The following ANTXR1 variants were observed in gnomAD, a reference collection of about 807,000 sequenced individuals.
The protein encoded by ANTXR1 is ANTXR cell adhesion molecule 1, also known as anthrax toxin receptor 1.
In ANTXR1, 19 loss-of-function variants were observed where a neutral mutation model predicts 78.1. The ratio of observed to expected loss-of-function variants is 0.24; its 90% CI spans 0.17 to 0.36. ANTXR1 has a LOEUF of 0.36. Ranked by LOEUF, ANTXR1 falls within the 10% of genes least tolerant of loss-of-function variation. The probability of loss-of-function intolerance (pLI) is 1.00; values close to 1 mark genes in which losing one functional copy is unlikely to be tolerated. For synonymous variants in ANTXR1, 273 were observed against 260.5 expected, an observed-to-expected ratio of 1.05 and a Z score of -0.46; for missense variants, 518 against 718.6, an observed-to-expected ratio of 0.72 and a Z score of 3.19.
At chr2:69,107,694 T>C (rs1016416860) in intron 10 of ANTXR1, among the ~76,000 whole-genome samples, 5 of 152,182 alleles carry the variant, frequency 3.3e-5, no homozygotes, top group Admixed American at 3.3e-4. Context: ...TCCAGCAATG[T>C]ATTTAAAAAG....
chr2:69,157,220 TCTC>T (rs553882849), intron 13 of ANTXR1, among the ~76,000 whole-genome samples: 1 of 152,110 alleles, frequency 6.6e-6, no homozygotes, highest in Non-Finnish European at 1.5e-5. Flanking sequence ...TGCTGGCTCT[TCTC>T]CTACGTCTCT....
At chr2:69,146,435 A>C in intron 12 of ANTXR1, 2 of 944,526 alleles carry the variant, frequency 2.1e-6, no homozygotes, top group Non-Finnish European at 2.5e-6. Flanking sequence ...TGAGAAAATA[A>C]CATTGGTAAG....
At chr2:69,036,315 A>G (rs1669421016) in intron 1 of ANTXR1, among the ~76,000 whole-genome samples, 1 of 152,242 alleles carries the variant, frequency 6.6e-6, no homozygotes, top group South Asian at 2.1e-4. Flanking sequence ...TAAGCACATC[A>G]TGTAAAATTG....
At chr2:69,168,288 G>A (rs1673885318) in intron 13 of ANTXR1, among the ~76,000 whole-genome samples, 1 of 152,220 alleles carries the variant, frequency 6.6e-6, no homozygotes, top group African/African-American at 2.4e-5. Context: ...CTCACTACCA[G>A]ATGCTTAACA....
intron 12 of ANTXR1, chr2:69,135,061 A>T: frequency 2.4e-6 from 1 of 408,710 alleles, no homozygotes; most frequent in South Asian, 1.8e-5. Flanking sequence ...CAGAGTGCGG[A>T]ACTCAGATCT....
intron 6 of ANTXR1, among the ~76,000 whole-genome samples, chr2:69,074,625 T>C (rs1049130716): frequency 1.3e-5 from 2 of 152,214 alleles, no homozygotes; most frequent in Non-Finnish European, 2.9e-5. Flanking sequence ...GAGGCTACAG[T>C]GAGTCTAAAA....
chr2:69,119,286 C>T (rs1403061462), intron 10 of ANTXR1, among the ~76,000 whole-genome samples: 1 of 152,172 alleles, frequency 6.6e-6, no homozygotes, highest in Non-Finnish European at 1.5e-5. Context: ...CGGATGCTCT[C>T]CTCGGCGTGA....
At chr2:69,138,532 G>T (rs1424398848) in intron 12 of ANTXR1, among the ~76,000 whole-genome samples, 1 of 152,148 alleles carries the variant, frequency 6.6e-6, no homozygotes, top group South Asian at 2.1e-4. Flanking sequence ...TCCCATGAGG[G>T]TATATAAACA....
At position 69,102,929 on chromosome 2, in the gene ANTXR1, C is replaced by T. The variant is rs987660808; in HGVS notation, c.791C>T (p.Ser264Leu). The T allele has an allele frequency of 5.0e-6, 8 of 1,614,002 alleles. No homozygotes were observed. Among genetic ancestry groups the T allele is most frequent in the East Asian group, 2.2e-5 (1 of 44,890 alleles). Residue 264 changes from serine (S) to leucine (L), a missense_variant, in exon 10 of 18, where the codon TCG becomes TTG. By Grantham distance (145) the Ser-to-Leu change is moderately radical. This residue lies in a region of ANTXR1 where 264 missense variants were observed against 391.8 expected (regional missense o/e 0.67). Coordinates refer to ENST00000303714, the MANE Select transcript of ANTXR1 (RefSeq NM_032208.3). The part of the protein sequence containing the change: ...RVLCSFKIND[S>L]VTLNEKPFSV... ...CTCTGCAGCTTCAAGATCAATGACT[C>T]GGTCACACTCAGTAAGTCCTTGCAG...
intron 8 of ANTXR1, among the ~76,000 whole-genome samples, chr2:69,087,908 C>T (rs1448450984): frequency 6.6e-6 from 1 of 152,326 alleles, no homozygotes; most frequent in Middle Eastern, 3.4e-3. Context: ...ATTGTGACTT[C>T]CTACCTTTTG....
At chr2:69,195,180 A>AAG (rs1674641684) in intron 17 of ANTXR1, among the ~76,000 whole-genome samples, 1 of 146,678 alleles carries the variant, frequency 6.8e-6, no homozygotes, top group African/African-American at 2.7e-5. Context: ...AAAAAAGAAA[A>AAG]AAGAAAAAGA....
intron 10 of ANTXR1, among the ~76,000 whole-genome samples, chr2:69,116,383 T>C (rs1416104183): frequency 6.6e-6 from 1 of 152,238 alleles, no homozygotes; most frequent in Non-Finnish European, 1.5e-5. Context: ...ATAATTTTAT[T>C]ACAGATTTTT....
At chr2:69,167,392 C>T (rs1673857077) in intron 13 of ANTXR1, among the ~76,000 whole-genome samples, 6 of 152,216 alleles carry the variant, frequency 3.9e-5, no homozygotes, top group Admixed American at 3.9e-4. Flanking sequence ...CTCCTCCAGG[C>T]AACACAGACT....
intron 3 of ANTXR1, among the ~76,000 whole-genome samples, chr2:69,067,305 A>AC (rs1435798000): frequency 1.5e-5 from 2 of 135,902 alleles, no homozygotes; most frequent in African/African-American, 6.4e-5. Context: ...TTGTTCTGGT[A>AC]CAAAAAAAAA....
intron 9 of ANTXR1, among the ~76,000 whole-genome samples, chr2:69,101,826 T>C (rs1471206149): frequency 6.6e-6 from 1 of 152,176 alleles, no homozygotes; most frequent in Non-Finnish European, 1.5e-5. Context: ...AATTTTTAGA[T>C]ACAAAAGGAT....
chr2:69,090,831 T>A, intron 8 of ANTXR1, 28 bp from the exon 9 acceptor site: 1 of 1,610,824 alleles, frequency 6.2e-7, no homozygotes, highest in Non-Finnish European at 8.5e-7. Flanking sequence ...AAGCTGTGCA[T>A]TGACTCTTTT....
At chr2:69,162,370 G>A (rs1383537056) in intron 13 of ANTXR1, among the ~76,000 whole-genome samples, 2 of 152,190 alleles carry the variant, frequency 1.3e-5, no homozygotes, top group African/African-American at 4.8e-5. Context: ...TTTGATGTGG[G>A]TGTGTATGTT....
intron 16 of ANTXR1, among the ~76,000 whole-genome samples, chr2:69,183,598 T>TC (rs1674338800): frequency 5.0e-5 from 7 of 139,754 alleles, no homozygotes; most frequent in African/African-American, 1.9e-4. Context: ...TTTTTTTTTT[T>TC]TGAGGGACGG....
At position 69,241,768 on chromosome 2, in the gene ANTXR1, C is replaced by A. The variant is rs753208764; in HGVS notation, c.1435-3457C>A. The stretch of plus-strand genomic sequence containing the variant: ...CTGATACCACCTCCAACTGGCCTTT[C>A]CACCACAGACAGGGTCTGATTGTGT... On this transcript the variant is annotated intron_variant, in intron 17 of 17. Transcript: ENST00000303714. 3.0e-4 allele frequency among the ~76,000 whole-genome samples: 46 copies of A among 152,168 alleles called. 1 individual carries two copies. The highest frequency in any genetic ancestry group is 5.7e-4 in the Non-Finnish European group (39 of 68,020).
Sources: allele counts gnomAD v4.1 joint callset (sites outside exome capture counted in the v4.1 genomes callset), GRCh38; gene constraint gnomAD v4.1.1; regional missense constraint gnomAD v4.1.1; transcripts MANE v1.5; gene names NCBI Gene and HGNC (gene_info 2026-07-23, HGNC 2026-07-21).